Variants in ANKRD17 observed in about 807,000 individuals in gnomAD.
ANKRD17 encodes ankyrin repeat domain-containing protein 17.
A neutral mutation model predicts 229.7 loss-of-function variants in ANKRD17; 19 were observed. The observed-to-expected ratio is 0.08, with a 90% CI of 0.06 to 0.12. The LOEUF is 0.12. Ranked by LOEUF, ANKRD17 falls within the 10% of genes least tolerant of loss-of-function variation. ANKRD17 has a pLI of 1.00. For missense variants in ANKRD17, 2,176 were observed against 3,176.8 expected (o/e 0.68, Z 7.57); for synonymous variants, 1,112 against 1,146.1 (o/e 0.97, Z 0.60).
In ANKRD17 at chr4:73,154,413, A is replaced by T. The variant is rs1035231670; in HGVS notation, c.1001-300T>A. Among the ~76,000 whole-genome samples the T allele has an allele frequency of 2.0e-5, 3 of 152,116 alleles. No individual in the cohort carries two copies. The South Asian group carries it at 6.2e-4, about 31-fold the overall frequency. On this transcript the variant is annotated intron_variant, in intron 5 of 33. Coordinates refer to ENST00000358602, the MANE Select transcript of ANKRD17 (RefSeq NM_032217.5). Reference sequence around the variant, plus strand: ...AAAGAACTGGGCAACTCTGCCCCAGAGCTAAGTTTTACCTTAAGATGAGAA... The same window carrying T: ...AAAGAACTGGGCAACTCTGCCCCAGTGCTAAGTTTTACCTTAAGATGAGAA...
rs764794089 is a variant in ANKRD17 at position 73,135,124 on chromosome 4, T to C, written c.3227A>G (p.Asp1076Gly). The change falls in exon 16 of 34, where the codon GAT becomes GGT. Residue 1076 changes from aspartate to glycine, a missense_variant. Around this residue, in one of 18 missense-constraint regions of ANKRD17, gnomAD observed 230 missense variants for 252.3 expected, o/e 0.91. Transcript: ENST00000358602. ...MLPIYPAIDI[D>G]AQTESNHDTA... ...CTTAAGTTTGGGACTTACCTGTGCATCAATATCAATGGCAGGGTAGATAGG... is the reference window on the plus strand; with the variant it reads ...CTTAAGTTTGGGACTTACCTGTGCACCAATATCAATGGCAGGGTAGATAGG... 6.2e-7 allele frequency: 1 copy of C among 1,613,226 alleles called. No individual in the cohort carries two copies. Among genetic ancestry groups the C allele is most frequent in the Non-Finnish European group, 8.5e-7 (1 of 1,179,438 alleles).
chr4:73,151,824 G>A (rs1001311205), intron 6 of ANKRD17, among the ~76,000 whole-genome samples: 29 of 152,056 alleles, frequency 1.9e-4, no homozygotes, highest in African/African-American at 6.8e-4. Flanking sequence ...AAGAGCCCAG[G>A]CATGTTATAT....
intron 1 of ANKRD17, among the ~76,000 whole-genome samples, chr4:73,213,624 C>G (rs558207383): frequency 2.0e-5 from 3 of 152,084 alleles, no homozygotes; most frequent in African/African-American, 7.2e-5. Context: ...TTCTCTTTCC[C>G]AGTGAAAACA....
intron 24 of ANKRD17, chr4:73,112,670 T>C (rs932589835): frequency 1.4e-5 from 10 of 702,078 alleles, no homozygotes; most frequent in African/African-American, 9.7e-5. Flanking sequence ...AAAGCAAGTA[T>C]AGTAAAAAAG....
chr4:73,096,852 T>C (rs1444813747), intron 27 of ANKRD17, among the ~76,000 whole-genome samples: 3 of 152,228 alleles, frequency 2.0e-5, no homozygotes, highest in Admixed American at 2.0e-4. Flanking sequence ...CTTTGTATTA[T>C]ATAAGGCTTT....
intron 1 of ANKRD17, among the ~76,000 whole-genome samples, chr4:73,229,396 C>T (rs1207474730): frequency 1.3e-5 from 2 of 152,136 alleles, no homozygotes; most frequent in African/African-American, 4.8e-5. Flanking sequence ...TAAAGTGTTA[C>T]TGACACAAGT....
chr4:73,084,517 C>T (rs868557113), intron 30 of ANKRD17, among the ~76,000 whole-genome samples: 9 of 148,350 alleles, frequency 6.1e-5, no homozygotes, highest in Middle Eastern at 6.9e-3. Flanking sequence ...GGTGTGATCT[C>T]GGCTCACTGC....
chr4:73,231,392 G>C (rs1485557229), intron 1 of ANKRD17, among the ~76,000 whole-genome samples: 2 of 152,082 alleles, frequency 1.3e-5, no homozygotes, highest in Non-Finnish European at 2.9e-5. Context: ...TAATGGTCTG[G>C]GGTCCCTGAC....
chr4:73,091,554 G>A lies in ANKRD17; in HGVS notation c.6074C>T (p.Thr2025Ile), dbSNP rs778878171. 11 of 1,614,236 alleles carry A rather than the reference G, an allele frequency of 6.8e-6. No individual in the cohort carries two copies. The highest frequency in any genetic ancestry group is 7.6e-6 in the Non-Finnish European group (9 of 1,180,046). The change falls in exon 29 of 34, where the codon ACA becomes ATA. Residue 2025 changes from threonine to isoleucine, a missense_variant. This residue lies in a region of ANKRD17 where 424 missense variants were observed against 454.0 expected (regional missense o/e 0.93). Coordinates refer to ENST00000358602, the MANE Select transcript of ANKRD17 (RefSeq NM_032217.5). The stretch of plus-strand genomic sequence containing the variant: ...AGTAGGCATAGGATATGTGGCATTT[G>A]TGGGTGCAGTGTTGTTGTTGCTTGC... Reference protein sequence around the residue: ...TTASNNNTAPTNATYPMPTAK... With the variant: ...TTASNNNTAPINATYPMPTAK...
Position 73,091,583 on chromosome 4 carries a change from G to A in ANKRD17, c.6045C>T (p.Thr2015=). 1 of 1,614,182 alleles carries A rather than the reference G, an allele frequency of 6.2e-7. No homozygotes were observed. Among genetic ancestry groups the A allele is most frequent in the Non-Finnish European group, 8.5e-7 (1 of 1,180,046 alleles). ...GTGCAGTGTTGTTGTTGCTTGCCGT[G>A]GTTGTGACTGTTGTTGTGGTGGCAT... The part of the protein sequence containing the change: ...TSNATTTTVT[T]TASNNNTAPT... The change falls in exon 29 of 34, where the codon ACC becomes ACT. Residue 2015 remains threonine (T), a synonymous_variant. Transcript: ENST00000358602.
intron 1 of ANKRD17, among the ~76,000 whole-genome samples, chr4:73,221,442 C>G (rs1298261717): frequency 6.6e-6 from 1 of 152,028 alleles, no homozygotes; most frequent in East Asian, 1.9e-4. Context: ...CTGTTATATG[C>G]TGAAGTTTTA....
chr4:73,227,346 G>C (rs1742614434), intron 1 of ANKRD17, among the ~76,000 whole-genome samples: 1 of 152,028 alleles, frequency 6.6e-6, no homozygotes. Flanking sequence ...TAGAGACGGG[G>C]TTTCATCATG....
In ANKRD17 at chr4:73,250,589, C is replaced by CAAAAAAAAAAAAAAAAAAAAAA. The variant is rs35160047; in HGVS notation, c.393+7665_393+7686dup. 8.2e-4 allele frequency among the ~76,000 whole-genome samples: 24 copies of CAAAAAAAAAAAAAAAAAAAAAA among 29,410 alleles called. 1 individual carries two copies. Among genetic ancestry groups the CAAAAAAAAAAAAAAAAAAAAAA allele is most frequent in the African/African-American group, 1.7e-3 (10 of 5,940 alleles). The allele number at this position is 29,410 out of a possible 152,430, so 19.3% of individuals were successfully genotyped here. Reference sequence around the variant, plus strand: ...CACTCCAGCATAGATGACCTTGTCTCAAAAAAAAAAAAAAAAAAAAAAAAA... The same window carrying CAAAAAAAAAAAAAAAAAAAAAA: ...CACTCCAGCATAGATGACCTTGTCTCAAAAAAAAAAAAAAAAAAAAAAAAAAAAAAAAAAAAAAAAAAAAAAA... On this transcript the variant is annotated intron_variant, in intron 1 of 33. Transcript: ENST00000358602.
chr4:73,110,315 AT>A (rs2148647729), intron 24 of ANKRD17, among the ~76,000 whole-genome samples: 1 of 152,346 alleles, frequency 6.6e-6, no homozygotes, highest in South Asian at 2.1e-4. Context: ...CTTAATAAGT[AT>A]TAAAAAATCT....
At chr4:73,121,126 A>G (rs1162224446) in intron 19 of ANKRD17, 32 bp from the exon 20 acceptor site, 2 of 1,533,104 alleles carry the variant, frequency 1.3e-6, no homozygotes, top group Admixed American at 1.7e-5. Flanking sequence ...AAACAAATGG[A>G]AAAATATATA....
At chr4:73,077,918 T>G (rs1721158203) in intron 31 of ANKRD17, among the ~76,000 whole-genome samples, 1 of 152,292 alleles carries the variant, frequency 6.6e-6, no homozygotes, top group South Asian at 2.1e-4. Context: ...TGATTAAATA[T>G]TCACATAACA....
intron 1 of ANKRD17, among the ~76,000 whole-genome samples, chr4:73,188,275 T>C (rs1353862186): frequency 6.6e-6 from 1 of 152,100 alleles, no homozygotes; most frequent in African/African-American, 2.4e-5. Context: ...ATATGGGATT[T>C]AGCCATAGCG....
At chr4:73,094,278 A>G (rs756016902) in intron 27 of ANKRD17, 50 bp from the exon 28 acceptor site, 1 of 1,509,658 alleles carries the variant, frequency 6.6e-7, no homozygotes, top group Non-Finnish European at 9.1e-7. Context: ...AACAATAGTT[A>G]TTGTAATTTT....
At chr4:73,111,422 C>T (rs949742629) in intron 24 of ANKRD17, among the ~76,000 whole-genome samples, 4 of 152,036 alleles carry the variant, frequency 2.6e-5, no homozygotes, top group Admixed American at 1.3e-4. Flanking sequence ...CAGAAAAGGA[C>T]GGCGCAAAAT....
Sources: gnomAD v4.1 joint callset for allele counts (sites outside exome capture counted in the v4.1 genomes callset) on GRCh38, gnomAD v4.1.1 for gene constraint, gnomAD v4.1.1 regional missense constraint, MANE v1.5 for transcripts, NCBI Gene and HGNC (gene_info 2026-07-23, HGNC 2026-07-21) for gene names.